The following THSD7B variants were observed in gnomAD, a reference collection of about 807,000 sequenced individuals.
THSD7B encodes the protein thrombospondin type 1 domain containing 7B.
THSD7B carries 138 observed loss-of-function variants against 213.6 expected under a neutral mutation model. The observed-to-expected ratio is 0.65, with a 90% CI of 0.56 to 0.74. The LOEUF (loss-of-function observed/expected upper bound fraction) is 0.74, where lower values mean the gene tolerates loss of function less well. Among genes scored for constraint, THSD7B ranks in the 30% least tolerant of loss-of-function variants. The probability of loss-of-function intolerance (pLI) is 0.00; values close to 1 mark genes in which losing one functional copy is unlikely to be tolerated. For synonymous variants in THSD7B, 742 were observed against 687.0 expected, an observed-to-expected ratio of 1.08 and a Z score of -1.25; for missense variants, 1,931 against 1,991.5, an observed-to-expected ratio of 0.97 and a Z score of 0.58.
rs70975797 is a variant in THSD7B, at chr2:137,066,189, CTTTTTT to C, written c.950+8974_950+8979del. Among the ~76,000 whole-genome samples, 846 of 115,744 alleles carry C rather than the reference CTTTTTT, an allele frequency of 7.3e-3. 8 individuals carry two copies. Among genetic ancestry groups the C allele is most frequent in the African/African-American group, 0.03 (806 of 27,104 alleles). 75.9% of individuals were successfully genotyped at this position (115,744 alleles called of 152,430 possible). A position where few individuals can be genotyped will look rare whatever the true frequency, so the allele number is the denominator to read the frequency against. On this transcript the variant is annotated intron_variant, in intron 3 of 27. Coordinates refer to ENST00000409968, the MANE Select transcript of THSD7B (RefSeq NM_001316349.2). ...TAGAATTTAGGTTGATGAGTTTTCA[CTTTTTT>C]TTTTTTTTTTTTTTGAGACAGAGTC...
chr2:137,095,474 C>A (rs1246162854), intron 4 of THSD7B, among the ~76,000 whole-genome samples: 1 of 152,126 alleles, frequency 6.6e-6, no homozygotes, highest in Non-Finnish European at 1.5e-5. Flanking sequence ...CTCATAAAAA[C>A]CTGAGAGGCC....
intron 15 of THSD7B, among the ~76,000 whole-genome samples, chr2:137,528,350 C>G (rs189001287): frequency 2.0e-5 from 3 of 152,062 alleles, no homozygotes; most frequent in African/African-American, 7.2e-5. Flanking sequence ...CATTTCAACC[C>G]TCTGAACATT....
At chr2:137,557,347 A>C (rs1158716559) in intron 15 of THSD7B, among the ~76,000 whole-genome samples, 1 of 152,252 alleles carries the variant, frequency 6.6e-6, no homozygotes, top group Non-Finnish European at 1.5e-5. Flanking sequence ...ACTGTCTCTC[A>C]GACCACAGTG....
At chr2:137,447,424 C>T (rs932716124) in intron 14 of THSD7B, among the ~76,000 whole-genome samples, 2 of 152,110 alleles carry the variant, frequency 1.3e-5, no homozygotes, top group Admixed American at 1.3e-4. Flanking sequence ...GTTAATCCCA[C>T]CTAATTTCTA....
chr2:137,137,800 T>C (rs1047069611), intron 5 of THSD7B, among the ~76,000 whole-genome samples: 12 of 152,202 alleles, frequency 7.9e-5, no homozygotes, highest in Admixed American at 6.6e-5. Flanking sequence ...CTGAGTAATA[T>C]TCCATTGTAT....
chr2:137,064,604 G>GT (rs1010136146), intron 3 of THSD7B, among the ~76,000 whole-genome samples: 5 of 151,718 alleles, frequency 3.3e-5, no homozygotes, highest in African/African-American at 7.3e-5. Flanking sequence ...TTTCCTCAGT[G>GT]TTTTTTTGAT....
intron 12 of THSD7B, among the ~76,000 whole-genome samples, chr2:137,281,663 T>C (rs1315575701): frequency 6.6e-6 from 1 of 151,920 alleles, no homozygotes; most frequent in Non-Finnish European, 1.5e-5. Flanking sequence ...GTTTGGTTTT[T>C]TGTCCTTGAG....
chr2:136,807,363 C>T (rs1573647251), intron 1 of THSD7B, among the ~76,000 whole-genome samples: 1 of 151,996 alleles, frequency 6.6e-6, no homozygotes, highest in South Asian at 2.1e-4. Flanking sequence ...GGGTTATTAT[C>T]CAATAGTATG....
At chr2:137,067,850 G>A (rs1319809280) in intron 3 of THSD7B, among the ~76,000 whole-genome samples, 1 of 152,032 alleles carries the variant, frequency 6.6e-6, no homozygotes, top group Non-Finnish European at 1.5e-5. Context: ...GCTGAAACAT[G>A]AAGAAAATTT....
chr2:137,010,067 T>G (rs538177959), intron 2 of THSD7B, among the ~76,000 whole-genome samples: 1 of 152,304 alleles, frequency 6.6e-6, no homozygotes, highest in Admixed American at 6.5e-5. Flanking sequence ...TTCCCAGACC[T>G]AAGCTTGAGG....
intron 14 of THSD7B, among the ~76,000 whole-genome samples, chr2:137,418,705 G>C (rs867491668): frequency 2.6e-5 from 4 of 151,594 alleles, no homozygotes; most frequent in Non-Finnish European, 4.4e-5. Context: ...ATTTTTTCTA[G>C]GCTCTGGTAA....
chr2:137,673,943 G>A (rs1683638898), intron 27 of THSD7B, among the ~76,000 whole-genome samples: 1 of 152,164 alleles, frequency 6.6e-6, no homozygotes, highest in African/African-American at 2.4e-5. Context: ...CACACCACAT[G>A]GCCCACAAAG....
intron 4 of THSD7B, among the ~76,000 whole-genome samples, chr2:137,111,695 G>A (rs541182316): frequency 6.6e-6 from 1 of 152,226 alleles, no homozygotes; most frequent in East Asian, 1.9e-4. Flanking sequence ...TACCCTAGTA[G>A]TCCAAACAAA....
At chr2:137,086,990 A>G (rs769993731) in intron 3 of THSD7B, among the ~76,000 whole-genome samples, 3 of 152,198 alleles carry the variant, frequency 2.0e-5, no homozygotes, top group Non-Finnish European at 2.9e-5. Context: ...ATTGAGCACA[A>G]CCAAAGGTCC....
intron 5 of THSD7B, among the ~76,000 whole-genome samples, chr2:137,137,653 C>T (rs1184181442): frequency 6.6e-6 from 1 of 152,048 alleles, no homozygotes; most frequent in East Asian, 1.9e-4. Context: ...GTGGAAGTAA[C>T]ACTTATATGA....
intron 17 of THSD7B, among the ~76,000 whole-genome samples, chr2:137,580,884 T>A (rs1681559052): frequency 6.6e-6 from 1 of 152,146 alleles, no homozygotes; most frequent in Non-Finnish European, 1.5e-5. Context: ...AGAGGTCCCT[T>A]ATCACCAAGG....
chr2:137,214,779 C>T (rs1681199175), intron 7 of THSD7B, among the ~76,000 whole-genome samples: 1 of 152,176 alleles, frequency 6.6e-6, no homozygotes, highest in Admixed American at 6.5e-5. Context: ...TTTTTTATGG[C>T]TGCATAGTCT....
At chr2:137,090,591 T>A (rs1467562708) in intron 3 of THSD7B, among the ~76,000 whole-genome samples, 1 of 152,148 alleles carries the variant, frequency 6.6e-6, no homozygotes, top group East Asian at 1.9e-4. Flanking sequence ...TTTAAATATT[T>A]GGGGAGTAAT....
rs537200317 is a variant in THSD7B at position 137,194,549 on chromosome 2, A to G, written c.1723+23611A>G. Among the ~76,000 whole-genome samples the G allele has an allele frequency of 3.9e-5, 6 of 152,236 alleles. No homozygotes were observed. In the South Asian group the frequency reaches 1.0e-3, roughly 26 times the overall value. ...GAGAGCTTCTATCTTTACAATGTTGATTTTTCCTTCAAAGAACAAGTGTAT... is the reference window on the plus strand; with the variant it reads ...GAGAGCTTCTATCTTTACAATGTTGGTTTTTCCTTCAAAGAACAAGTGTAT... On this transcript the variant is annotated intron_variant, in intron 7 of 27. Coordinates refer to ENST00000409968, the MANE Select transcript of THSD7B (RefSeq NM_001316349.2).
Sources: gnomAD v4.1 joint callset for allele counts (sites outside exome capture counted in the v4.1 genomes callset) on GRCh38, gnomAD v4.1.1 for gene constraint, MANE v1.5 for transcripts, NCBI Gene and HGNC (gene_info 2026-07-23, HGNC 2026-07-21) for gene names.